The following HEATR3 variants were observed in gnomAD, a reference collection of about 807,000 sequenced individuals.
HEATR3 encodes the protein HEAT repeat-containing protein 3.
A neutral mutation model predicts 72.8 loss-of-function variants in HEATR3; 56 were observed. The observed-to-expected ratio is 0.77, with a 90% CI of 0.62 to 0.96. The LOEUF is 0.96. HEATR3 is among the 40% of genes least tolerant of loss of function. The pLI is 0.00. For synonymous variants in HEATR3, 331 were observed against 318.1 expected (o/e 1.04, Z -0.43); for missense variants, 747 against 831.4 (o/e 0.90, Z 1.25).
rs1458773880 is a variant in HEATR3, at chr16:50,106,335, T to C, written c.*1274T>C. On this transcript the variant is annotated 3_prime_UTR_variant, in exon 15 of 15. Coordinates refer to ENST00000299192, the MANE Select transcript of HEATR3 (RefSeq NM_182922.4). ...CATCACTTCTTGATTTAATTTGATA[T>C]GGAATCAGAATTGGGAGAAGGTATT... 2 of 152,190 alleles carry C rather than the reference T, an allele frequency of 1.3e-5. No homozygotes were observed. Among genetic ancestry groups the C allele is most frequent in the Non-Finnish European group, 2.9e-5 (2 of 68,022 alleles). 9.4% of individuals were successfully genotyped at this position (152,190 alleles called of 1,614,324 possible).
At position 50,079,891 on chromosome 16, in the gene HEATR3, G is replaced by C. The variant is rs1465350594; in HGVS notation, c.1041+873G>C. The C allele has an allele frequency of 2.6e-5, 4 of 152,342 alleles. No individual in the cohort carries two copies. In the East Asian group the frequency reaches 7.7e-4, roughly 29 times the overall value. The allele number at this position is 152,342 out of a possible 1,614,324, so 9.4% of individuals were successfully genotyped here. A position where few individuals can be genotyped will look rare whatever the true frequency, so the allele number is the denominator to read the frequency against. On this transcript the variant is annotated intron_variant, in intron 7 of 14. Transcript: ENST00000299192. ...GAGAACAGTGCCGTGGCCATGCACA[G>C]ATTTCTAAGAAAATAGTATCTGTGG...
chr16:50,071,060 C>A (rs1012558739), intron 4 of HEATR3, among the ~76,000 whole-genome samples: 1 of 152,162 alleles, frequency 6.6e-6, no homozygotes, highest in Non-Finnish European at 1.5e-5. Context: ...AGAAGAGCTC[C>A]CTTGGCCCCA....
intron 14 of HEATR3, among the ~76,000 whole-genome samples, 196 bp downstream of exon 14, chr16:50,102,631 GA>G (rs1472166774): frequency 6.6e-6 from 1 of 152,180 alleles, no homozygotes; most frequent in Non-Finnish European, 1.5e-5. Context: ...CATTGAAACT[GA>G]AGCTAAAATG....
intron 9 of HEATR3, 30 bp from the exon 10 acceptor site, chr16:50,084,539 C>A: frequency 6.7e-7 from 1 of 1,486,998 alleles, no homozygotes; most frequent in Non-Finnish European, 9.4e-7. Context: ...TACTCTTTAA[C>A]CTTTGCTTTA....
intron 7 of HEATR3, 140 bp from the exon 8 acceptor site, chr16:50,083,796 CT>C (rs1326033736): frequency 1.5e-6 from 1 of 662,020 alleles, no homozygotes; most frequent in Non-Finnish European, 2.6e-6. Context: ...CACTTCATGA[CT>C]TTTCTTTTAC....
chr16:50,068,761 T>G lies in HEATR3; in HGVS notation c.312-19T>G. 6.3e-7 allele frequency: 1 copy of G among 1,593,188 alleles called. No individual in the cohort carries two copies. Among genetic ancestry groups the G allele is most frequent in the Non-Finnish European group, 8.6e-7 (1 of 1,161,854 alleles). ...ACATGTGATGTGAAAGTAAAACATGTTTTAAACTTCTTGTGTAGAAATCTC... is the reference window on the plus strand; with the variant it reads ...ACATGTGATGTGAAAGTAAAACATGGTTTAAACTTCTTGTGTAGAAATCTC... On this transcript the variant is annotated intron_variant, in intron 2 of 14. Transcript: ENST00000299192.
Position 50,095,517 on chromosome 16 carries a change from T to G in HEATR3, c.1599+724T>G, listed in dbSNP as rs1450437042. Among the ~76,000 whole-genome samples, 3 of 151,918 alleles carry G rather than the reference T, an allele frequency of 2.0e-5. No individual in the cohort carries two copies. The East Asian group carries it at 5.8e-4, about 29-fold the overall frequency. On this transcript the variant is annotated intron_variant, in intron 12 of 14. Transcript: ENST00000299192. ...ATCTCCCATAGGTGCCTTACCACTT[T>G]TGCTACTTTTTACTAAGGAGACTTT...
intron 3 of HEATR3, 78 bp from the exon 4 acceptor site, chr16:50,070,100 G>A (rs2036578065): frequency 3.2e-6 from 2 of 626,532 alleles, no homozygotes; most frequent in Non-Finnish European, 5.5e-6. Flanking sequence ...TCTAGCCTTT[G>A]TGTTTCATCA....
In HEATR3 at chr16:50,105,347, A is replaced by G; in HGVS notation, c.*286A>G. The G allele has an allele frequency of 3.2e-6, 1 of 316,126 alleles. No individual in the cohort carries two copies. Among genetic ancestry groups the G allele is most frequent in the South Asian group, 2.9e-5 (1 of 34,980 alleles). The allele number at this position is 316,126 out of a possible 1,614,324, so 19.6% of individuals were successfully genotyped here. On this transcript the variant is annotated 3_prime_UTR_variant, in exon 15 of 15. Coordinates refer to ENST00000299192, the MANE Select transcript of HEATR3 (RefSeq NM_182922.4). ...CATGGTGGCACATGCCTGTGATCCCAGCTACTCGGGAGGCTGAGGGAGGAG... is the reference window on the plus strand; with the variant it reads ...CATGGTGGCACATGCCTGTGATCCCGGCTACTCGGGAGGCTGAGGGAGGAG...
chr16:50,087,180 G>A (rs942295394), intron 11 of HEATR3, among the ~76,000 whole-genome samples: 2 of 152,018 alleles, frequency 1.3e-5, no homozygotes, highest in African/African-American at 4.8e-5. Context: ...GGGCATGCGT[G>A]CGTGTGTGTA....
intron 13 of HEATR3, among the ~76,000 whole-genome samples, chr16:50,101,578 C>T (rs913380545): frequency 1.3e-5 from 2 of 152,140 alleles, no homozygotes; most frequent in Non-Finnish European, 2.9e-5. Flanking sequence ...AGTTCCTCCC[C>T]GGCACCACGT....
intron 3 of HEATR3, among the ~76,000 whole-genome samples, chr16:50,069,500 G>A (rs1239007092): frequency 3.3e-5 from 5 of 152,134 alleles, no homozygotes; most frequent in East Asian, 1.9e-4. Context: ...GCTTCACAGG[G>A]CATAACTGGC....
At chr16:50,097,923 CA>C (rs1047867647) in intron 12 of HEATR3, among the ~76,000 whole-genome samples, 13,876 of 74,692 alleles carry the variant, frequency 0.19, 636 homozygotes, top group Middle Eastern at 0.28. Context: ...AACTCCGTCT[CA>C]AAAAAAAAAA....
intron 12 of HEATR3, 87 bp downstream of exon 12, chr16:50,094,880 A>G: frequency 1.4e-6 from 1 of 690,406 alleles, no homozygotes; most frequent in Non-Finnish European, 2.5e-6. Flanking sequence ...TTTAAAAAAT[A>G]CATATTTCTG....
intron 12 of HEATR3, 158 bp downstream of exon 12, chr16:50,094,951 A>G (rs979877773): frequency 6.4e-6 from 3 of 467,110 alleles, no homozygotes; most frequent in South Asian, 4.0e-5. Flanking sequence ...AATAAAAAGT[A>G]ATATCTTTCT....
At chr16:50,071,188 T>C (rs1275789025) in intron 4 of HEATR3, among the ~76,000 whole-genome samples, 1 of 151,894 alleles carries the variant, frequency 6.6e-6, no homozygotes, top group African/African-American at 2.4e-5. Context: ...TTCTGCCCCA[T>C]TTTATGTCCC....
At chr16:50,069,712 G>A (rs2036569624) in intron 3 of HEATR3, among the ~76,000 whole-genome samples, 3 of 152,274 alleles carry the variant, frequency 2.0e-5, no homozygotes, top group South Asian at 4.1e-4. Flanking sequence ...CTGTACTAGA[G>A]GGGCTTAAGA....
rs2037501156 is a variant in HEATR3, at chr16:50,107,064, C to G, written c.*2003C>G. On this transcript the variant is annotated 3_prime_UTR_variant, in exon 15 of 15. Transcript: ENST00000299192. ...CATGTCTCCTTGGAGAACGACTCTT[C>G]CAAAAAAGAAAGTATTAGAGTTCTC... 6.6e-6 allele frequency among the ~76,000 whole-genome samples: 1 copy of G among 151,936 alleles called. No homozygotes were observed. The highest frequency in any genetic ancestry group is 2.4e-5 in the African/African-American group (1 of 41,378).
chr16:50,077,435 G>T (rs1467226185), intron 6 of HEATR3, among the ~76,000 whole-genome samples: 1 of 152,154 alleles, frequency 6.6e-6, no homozygotes, highest in African/African-American at 2.4e-5. Context: ...AATTACAGGC[G>T]TGAGCCACAG....
Sources: gnomAD v4.1 joint callset for allele counts (sites outside exome capture counted in the v4.1 genomes callset) on GRCh38, gnomAD v4.1.1 for gene constraint, MANE v1.5 for transcripts, NCBI Gene and HGNC (gene_info 2026-07-23, HGNC 2026-07-21) for gene names.